Variants in MLLT6 observed in about 807,000 individuals in gnomAD.
MLLT6 encodes the protein protein AF-17.
A neutral mutation model predicts 103.0 loss-of-function variants in MLLT6; 22 were observed. The observed-to-expected ratio is 0.21, with a 90% CI of 0.15 to 0.31. The LOEUF (loss-of-function observed/expected upper bound fraction) is 0.31, where lower values mean the gene tolerates loss of function less well. Ranked by LOEUF, MLLT6 falls within the 10% of genes least tolerant of loss-of-function variation. The pLI, the probability that MLLT6 is intolerant of heterozygous loss-of-function variation, is 1.00. For synonymous variants in MLLT6, 606 were observed against 623.5 expected, an observed-to-expected ratio of 0.97 and a Z score of 0.42; for missense variants, 1,199 against 1,441.7, an observed-to-expected ratio of 0.83 and a Z score of 2.73.
chr17:38,715,079 C>T (rs972101067), intron 8 of MLLT6, among the ~76,000 whole-genome samples: 5 of 152,130 alleles, frequency 3.3e-5, no homozygotes, highest in Admixed American at 2.6e-4. Flanking sequence ...TCCTGGCAAA[C>T]GCTTAGTGTG....
At chr17:38,712,997 T>C (rs776489413) in intron 8 of MLLT6, 22 of 776,114 alleles carry the variant, frequency 2.8e-5, no homozygotes, top group Non-Finnish European at 3.4e-5. Context: ...GGATTGGGAG[T>C]TTGGGGTGCT....
At chr17:38,717,762 A>T (rs1905431044) in intron 11 of MLLT6, 83 bp from the exon 12 acceptor site, 2 of 1,389,664 alleles carry the variant, frequency 1.4e-6, no homozygotes, top group African/African-American at 1.4e-5. Context: ...TCCCCAGCAC[A>T]CCCGGCCCCC....
rs902374855 is a variant in MLLT6 at position 38,727,816 on chromosome 17, G to C, written c.*2218G>C. 3 of 231,512 alleles carry C rather than the reference G, an allele frequency of 1.3e-5. No individual in the cohort carries two copies. The highest frequency in any genetic ancestry group is 1.2e-3 in the Middle Eastern group (1 of 806). 14.3% of individuals were successfully genotyped at this position (231,512 alleles called of 1,614,324 possible). A position where few individuals can be genotyped will look rare whatever the true frequency, so the allele number is the denominator to read the frequency against. ...TCTCAAAAGAGAAAAAAAAAGAAAAGTAACCTTCAGAGATTCTTAGAAGAG... is the reference window on the plus strand; with the variant it reads ...TCTCAAAAGAGAAAAAAAAAGAAAACTAACCTTCAGAGATTCTTAGAAGAG... On this transcript the variant is annotated 3_prime_UTR_variant, in exon 20 of 20. Transcript: ENST00000621332.
At position 38,716,964 on chromosome 17, in the gene MLLT6, C is replaced by T. The variant is rs753997346; in HGVS notation, c.1634C>T (p.Ser545Phe). 16 of 1,613,434 alleles carry T rather than the reference C, an allele frequency of 9.9e-6. No individual in the cohort carries two copies. The highest frequency in any genetic ancestry group is 5.0e-5 in the Admixed American group (3 of 59,980). ...SGSLPSLSLE[S>F]PLLGAGIYTS... ...AGCTTGCCCAGCTTGAGCCTGGAGTCCCCCTTACTAGGGGCAGGTTAGTGA... is the reference window on the plus strand; with the variant it reads ...AGCTTGCCCAGCTTGAGCCTGGAGTTCCCCTTACTAGGGGCAGGTTAGTGA... Residue 545 changes from serine to phenylalanine, a missense_variant, in exon 10 of 20, where the codon TCC becomes TTC. Physicochemically the swap from Ser to Phe is radical, Grantham distance 155. Around this residue, in one of 7 missense-constraint regions of MLLT6, gnomAD observed 1,034 missense variants for 1,091.5 expected, o/e 0.95. Transcript: ENST00000621332. The surrounding 1 kb of genome is among the most constrained non-coding windows in gnomAD (Gnocchi z 5.6).
intron 7 of MLLT6, among the ~76,000 whole-genome samples, chr17:38,712,319 T>C (rs1199583979): frequency 6.6e-6 from 1 of 152,142 alleles, no homozygotes; most frequent in Non-Finnish European, 1.5e-5. Context: ...ATGTGCCGCC[T>C]AGTAAGTGCT....
At chr17:38,722,365 C>T in intron 17 of MLLT6, 138 bp downstream of exon 17, 2 of 675,356 alleles carry the variant, frequency 3.0e-6, no homozygotes, top group Non-Finnish European at 4.7e-6. Context: ...ATCCTAGTCA[C>T]CTCTTGGCCT....
In MLLT6 at chr17:38,715,600, CCT is replaced by C. The variant is rs1237945063; in HGVS notation, c.820-8_820-7del. On this transcript the variant is annotated splice_polypyrimidine_tract_variant and intron_variant, in intron 8 of 19. Transcript: ENST00000621332. ...CACCTGGTGTTGAACCTTCCTCTCT[CCT>C]CTCCTTCAGGTCTCCTCCTCGGCTT... is the stretch of plus-strand genomic sequence containing the variant. 1.2e-6 allele frequency: 2 copies of C among 1,605,144 alleles called. No homozygotes were observed. The highest frequency in any genetic ancestry group is 3.4e-5 in the Admixed American group (2 of 59,574).
chr17:38,707,944 C>T (rs1194861331), intron 4 of MLLT6, 72 bp downstream of exon 4: 16 of 984,834 alleles, frequency 1.6e-5, no homozygotes, highest in East Asian at 2.6e-5. Context: ...TCTCTTCATC[C>T]GGTGTAATTT....
In MLLT6 at chr17:38,705,674, G is replaced by C. The variant is rs1350889029; in HGVS notation, c.42G>C (p.Glu14Asp). 1 of 1,572,986 alleles carries C rather than the reference G, an allele frequency of 6.4e-7. No individual in the cohort carries two copies. Among genetic ancestry groups the C allele is most frequent in the South Asian group, 1.1e-5 (1 of 87,752 alleles). Residue 14 changes from glutamate (E) to aspartate (D), a missense_variant, in exon 1 of 20, where the codon GAG becomes GAC. Physicochemically the swap from Glu to Asp is conservative, Grantham distance 45. Around this residue, in one of 7 missense-constraint regions of MLLT6, gnomAD observed 24 missense variants for 38.7 expected, o/e 0.62. Transcript: ENST00000621332. ...GAGGCTGCTGCGTATGTTCGGACGA[G>C]AGGGGCTGGGCCGAGAACCCGCTGG... is the stretch of plus-strand genomic sequence containing the variant. ...MVGGCCVCSD[E>D]RGWAENPLVY...
Position 38,715,601 on chromosome 17 carries a change from C to T in MLLT6, c.820-11C>T, listed in dbSNP as rs773778717. 1.2e-6 allele frequency: 2 copies of T among 1,605,718 alleles called. No individual in the cohort carries two copies. Among genetic ancestry groups the T allele is most frequent in the Non-Finnish European group, 8.5e-7 (1 of 1,176,262 alleles). On this transcript the variant is annotated splice_polypyrimidine_tract_variant and intron_variant, in intron 8 of 19. Transcript: ENST00000621332. ...ACCTGGTGTTGAACCTTCCTCTCTC[C>T]TCTCCTTCAGGTCTCCTCCTCGGCT...
At position 38,722,153 on chromosome 17, in the gene MLLT6, C is replaced by T. The variant is rs972985716; in HGVS notation, c.2718C>T (p.Ala906=). 119 of 1,372,814 alleles carry T rather than the reference C, an allele frequency of 8.7e-5. No individual in the cohort carries two copies. Among genetic ancestry groups the T allele is most frequent in the East Asian group, 1.5e-4 (5 of 33,474 alleles). 85.0% of individuals were successfully genotyped at this position (1,372,814 alleles called of 1,614,324 possible). The change falls in exon 17 of 20, where the codon GCC becomes GCT. Residue 906 remains alanine, a synonymous_variant. Transcript: ENST00000621332. ...LNGLLGGLNG[A]AAPNPASLSQ... is the part of the protein sequence containing the mutation. ...GGCTCCTTGGGGGGTTGAATGGGGC[C>T]GCTGCCCCCAACCCCGCAAGCTTGA...
In MLLT6 at chr17:38,729,019, C is replaced by CT. The variant is rs1459833526; in HGVS notation, c.*3422dup. The CT allele has an allele frequency of 4.3e-6, 1 of 233,600 alleles. No homozygotes were observed. The highest frequency in any genetic ancestry group is 8.5e-6 in the Non-Finnish European group (1 of 118,114). 14.5% of individuals were successfully genotyped at this position (233,600 alleles called of 1,614,324 possible). ...GGGACCCCTGCCTGTTTCCCCCATA[C>CT]TGAGTTCTAGGGAGGTGCTCACCCC... On this transcript the variant is annotated 3_prime_UTR_variant, in exon 20 of 20. Transcript: ENST00000621332.
At position 38,709,676 on chromosome 17, in the gene MLLT6, C is replaced by T; in HGVS notation, c.552+101C>T. The T allele has an allele frequency of 1.1e-6, 1 of 893,998 alleles. No individual in the cohort carries two copies. Among genetic ancestry groups the T allele is most frequent in the African/African-American group, 1.7e-5 (1 of 60,536 alleles). 55.4% of individuals were successfully genotyped at this position (893,998 alleles called of 1,614,324 possible). The stretch of plus-strand genomic sequence containing the variant: ...AGGCCAGTGCCTGGTGCTAGGAGGA[C>T]AGAGAGGGAAAAAACCCAGTCCCTG... On this transcript the variant is annotated intron_variant, in intron 6 of 19. Transcript: ENST00000621332. This position sits in a 1 kb window ranked among gnomAD's most constrained non-coding sequence, Gnocchi z 4.3.
At position 38,726,369 on chromosome 17, in the gene MLLT6, G is replaced by T; in HGVS notation, c.*771G>T. ...TCAGTGTGTGAGTGTGTGTGTGCGT[G>T]CATGTGTGTGTGTGTGTGTGTGTGT... On this transcript the variant is annotated 3_prime_UTR_variant, in exon 20 of 20. Coordinates refer to ENST00000621332, the MANE Select transcript of MLLT6 (RefSeq NM_005937.4). 4.4e-6 allele frequency: 1 copy of T among 226,646 alleles called. No individual in the cohort carries two copies. The highest frequency in any genetic ancestry group is 6.1e-5 in the East Asian group (1 of 16,394). 14.0% of individuals were successfully genotyped at this position (226,646 alleles called of 1,614,324 possible). A position where few individuals can be genotyped will look rare whatever the true frequency, so the allele number is the denominator to read the frequency against.
In MLLT6 at chr17:38,716,874, C is replaced by T; in HGVS notation, c.1544C>T (p.Ser515Phe). ...GFTATAASPF[S>F]GGSLVSSGLG... ...ACCGCCACTGCTGCCTCACCCTTCT[C>T]TGGAGGTTCCCTGGTCAGCTCCGGC... The change falls in exon 10 of 20, where the codon TCT becomes TTT. Residue 515 changes from serine to phenylalanine, a missense_variant. Physicochemically the swap from Ser to Phe is radical, Grantham distance 155. Transcript: ENST00000621332. This position sits in a 1 kb window ranked among gnomAD's most constrained non-coding sequence, Gnocchi z 5.6. The T allele has an allele frequency of 6.2e-7, 1 of 1,613,694 alleles. No homozygotes were observed.
Position 38,705,477 on chromosome 17 carries a change from G to C in MLLT6, c.-156G>C. ...AGGAGGAGGAGGAGGACGCGGAGGA[G>C]GAGGAAGGAGGAGGCAAAGAAAAGA... On this transcript the variant is annotated 5_prime_UTR_variant, in exon 1 of 20. Coordinates refer to ENST00000621332, the MANE Select transcript of MLLT6 (RefSeq NM_005937.4). The C allele has an allele frequency of 2.1e-6, 1 of 466,346 alleles. No homozygotes were observed. The highest frequency in any genetic ancestry group is 3.7e-5 in the East Asian group (1 of 27,072). 28.9% of individuals were successfully genotyped at this position (466,346 alleles called of 1,614,324 possible). A position where few individuals can be genotyped will look rare whatever the true frequency, so the allele number is the denominator to read the frequency against.
At chr17:38,725,019 A>T in intron 19 of MLLT6, 43 bp downstream of exon 19, 1 of 1,285,400 alleles carries the variant, frequency 7.8e-7, no homozygotes, top group Non-Finnish European at 1.1e-6. Context: ...CCTCTGAGGG[A>T]TGGGTAGAGA....
chr17:38,710,731 C>G (rs2143672135), intron 6 of MLLT6, among the ~76,000 whole-genome samples: 1 of 152,208 alleles, frequency 6.6e-6, no homozygotes, highest in East Asian at 1.9e-4. Context: ...TCCTGATTTG[C>G]CCCAGACAGT....
At chr17:38,708,811 C>T (rs1905037976) in intron 4 of MLLT6, among the ~76,000 whole-genome samples, 1 of 152,208 alleles carries the variant, frequency 6.6e-6, no homozygotes, top group Non-Finnish European at 1.5e-5. Context: ...AGGAGAATCC[C>T]TGGAACCCAG....
Sources: allele counts gnomAD v4.1 joint callset (sites outside exome capture counted in the v4.1 genomes callset), GRCh38; gene constraint gnomAD v4.1.1; regional missense constraint gnomAD v4.1.1; non-coding constraint Gnocchi (gnomAD v3.1); transcripts MANE v1.5; gene names NCBI Gene and HGNC (gene_info 2026-07-23, HGNC 2026-07-21).